The following GPC6 variants were observed in gnomAD, a reference collection of about 807,000 sequenced individuals.
GPC6 encodes the protein glypican 6, also known as glypican-6.
A neutral mutation model predicts 55.2 loss-of-function variants in GPC6; 14 were observed. The observed-to-expected ratio is 0.25, with a 90% CI of 0.17 to 0.40. The LOEUF (loss-of-function observed/expected upper bound fraction) is 0.40. Ranked by LOEUF, GPC6 falls within the 10% of genes least tolerant of loss-of-function variation. GPC6 has a pLI of 1.00. For synonymous variants in GPC6, 278 were observed against 259.6 expected (o/e 1.07, Z -0.68); for missense variants, 641 against 708.5 (o/e 0.90, Z 1.08).
chr13:93,310,987 A>G (rs1028223727), intron 1 of GPC6, among the ~76,000 whole-genome samples: 3 of 152,228 alleles, frequency 2.0e-5, no homozygotes, highest in Non-Finnish European at 2.9e-5. Context: ...AATATTGAGT[A>G]GGTAGCTTAC....
intron 4 of GPC6, among the ~76,000 whole-genome samples, chr13:94,154,958 C>T (rs1349311071): frequency 2.0e-5 from 3 of 152,168 alleles, no homozygotes. Context: ...CCTGTGTTCT[C>T]CTTCTCAGCC....
chr13:94,180,587 C>T (rs971385217), intron 4 of GPC6, among the ~76,000 whole-genome samples: 1 of 152,146 alleles, frequency 6.6e-6, no homozygotes, highest in Non-Finnish European at 1.5e-5. Flanking sequence ...TGACGGTTCA[C>T]TAAAGAGATA....
intron 1 of GPC6, among the ~76,000 whole-genome samples, chr13:93,433,312 A>G (rs933047225): frequency 6.6e-6 from 1 of 152,206 alleles, no homozygotes; most frequent in South Asian, 2.1e-4. Flanking sequence ...GAGCAAAGCT[A>G]TGGGCAGGTC....
chr13:93,321,922 ACT>A (rs1879454982), intron 1 of GPC6, among the ~76,000 whole-genome samples: 1 of 151,768 alleles, frequency 6.6e-6, no homozygotes, highest in South Asian at 2.1e-4. Context: ...AACTTCTCAA[ACT>A]CTCTGTCGTG....
Position 94,108,111 on chromosome 13 carries a change from G to A in GPC6, c.877+80217G>A, listed in dbSNP as rs146858593. ...ATGCATGTTTATAGTAGCACAATTC[G>A]CAACTGCAAAAATGTGGAACCAGCC... On this transcript the variant is annotated intron_variant, in intron 4 of 8. Coordinates refer to ENST00000377047, the MANE Select transcript of GPC6 (RefSeq NM_005708.5). 1.7e-3 allele frequency among the ~76,000 whole-genome samples: 264 copies of A among 152,098 alleles called. 3 individuals are homozygous for A. Among genetic ancestry groups the A allele is most frequent in the African/African-American group, 6.1e-3 (254 of 41,490 alleles).
intron 4 of GPC6, among the ~76,000 whole-genome samples, chr13:94,103,171 A>C (rs1026818936): frequency 6.6e-6 from 1 of 152,168 alleles, no homozygotes. Context: ...TTTGCTGAGA[A>C]TGATGGTTTC....
At chr13:93,371,196 A>G (rs756823298) in intron 1 of GPC6, among the ~76,000 whole-genome samples, 1 of 152,034 alleles carries the variant, frequency 6.6e-6, no homozygotes, top group South Asian at 2.1e-4. Context: ...TAGAGAGTTA[A>G]TGATTCGGGA....
chr13:93,548,891 T>G (rs905357082), intron 2 of GPC6, among the ~76,000 whole-genome samples: 1 of 152,222 alleles, frequency 6.6e-6, no homozygotes, highest in Non-Finnish European at 1.5e-5. Flanking sequence ...AATGTCATGA[T>G]AAAAGTCTAT....
intron 1 of GPC6, among the ~76,000 whole-genome samples, chr13:93,488,233 C>G (rs1594205723): frequency 6.6e-6 from 1 of 151,894 alleles, no homozygotes; most frequent in African/African-American, 2.4e-5. Flanking sequence ...GGTTTTTTGT[C>G]CTTGCGATAG....
intron 3 of GPC6, among the ~76,000 whole-genome samples, chr13:94,023,466 A>G (rs968873515): frequency 1.3e-5 from 2 of 152,076 alleles, no homozygotes; most frequent in Non-Finnish European, 2.9e-5. Context: ...TAAAATAGTG[A>G]CAGTCACATA....
chr13:93,340,022 CTTTCTT>C (rs1880189423), intron 1 of GPC6, among the ~76,000 whole-genome samples: 1 of 84,470 alleles, frequency 1.2e-5, no homozygotes, highest in Non-Finnish European at 2.6e-5. Context: ...CAAAAGTTTT[CTTTCTT>C]TTTTTTTTTT....
In GPC6 at chr13:93,354,130, A is replaced by G. The variant is rs115610053; in HGVS notation, c.160+126514A>G. Reference sequence around the variant, plus strand: ...CTTTATCTGAAGCACGTTTGCTTTGACCATTAGTTTACCTCCCATAGATTT... The same window carrying G: ...CTTTATCTGAAGCACGTTTGCTTTGGCCATTAGTTTACCTCCCATAGATTT... On this transcript the variant is annotated intron_variant, in intron 1 of 8. Transcript: ENST00000377047. 7.9e-3 allele frequency among the ~76,000 whole-genome samples: 1,198 copies of G among 152,230 alleles called. 19 individuals are homozygous for G. Among genetic ancestry groups the G allele is most frequent in the African/African-American group, 0.028 (1,154 of 41,532 alleles).
intron 1 of GPC6, among the ~76,000 whole-genome samples, chr13:93,228,525 G>C (rs1316659042): frequency 1.3e-5 from 2 of 152,164 alleles, no homozygotes; most frequent in Non-Finnish European, 2.9e-5. Context: ...TGTAGCACTT[G>C]GTCTCCGACA....
At chr13:93,359,092 A>G (rs141960422) in intron 1 of GPC6, among the ~76,000 whole-genome samples, 12 of 148,922 alleles carry the variant, frequency 8.1e-5, no homozygotes, top group African/African-American at 2.7e-4. Context: ...TCAGCCTCCC[A>G]GGTAGCTAGG....
chr13:93,534,845 T>C (rs571198155), intron 1 of GPC6, among the ~76,000 whole-genome samples: 1 of 152,134 alleles, frequency 6.6e-6, no homozygotes, highest in South Asian at 2.1e-4. Context: ...ACAGTTTCTC[T>C]TTTTTATTTT....
intron 3 of GPC6, among the ~76,000 whole-genome samples, chr13:93,978,686 A>G (rs1023536023): frequency 1.3e-5 from 2 of 151,984 alleles, no homozygotes; most frequent in African/African-American, 4.8e-5. Context: ...TTTTTTCATG[A>G]TTCTAGTCTA....
chr13:93,739,196 A>C (rs1356229134), intron 2 of GPC6, among the ~76,000 whole-genome samples: 1 of 152,050 alleles, frequency 6.6e-6, no homozygotes, highest in Non-Finnish European at 1.5e-5. Flanking sequence ...AATTGTTAGA[A>C]TCTCCCACAA....
chr13:93,712,418 A>C (rs969654024), intron 2 of GPC6, among the ~76,000 whole-genome samples: 1 of 151,684 alleles, frequency 6.6e-6, no homozygotes, highest in East Asian at 2.0e-4. Context: ...TGGGAAAATC[A>C]ATATAAAGTA....
intron 4 of GPC6, among the ~76,000 whole-genome samples, chr13:94,268,585 T>C (rs1167974554): frequency 2.0e-5 from 3 of 152,224 alleles, no homozygotes; most frequent in Non-Finnish European, 4.4e-5. Context: ...GAAGGCACTG[T>C]AAATCAATTG....
Sources: gnomAD v4.1 joint callset for allele counts (sites outside exome capture counted in the v4.1 genomes callset) on GRCh38, gnomAD v4.1.1 for gene constraint, MANE v1.5 for transcripts, NCBI Gene and HGNC (gene_info 2026-07-23, HGNC 2026-07-21) for gene names.